The following FBXO25 variants were observed in gnomAD, a reference collection of about 807,000 sequenced individuals.
FBXO25 encodes F-box protein 25, also known as F-box only protein 25.
In FBXO25, 45 loss-of-function variants were observed where a neutral mutation model predicts 51.9. The observed-to-expected ratio is 0.87, with a 90% confidence interval of 0.68 to 1.11. The LOEUF is 1.11. Ranked by LOEUF, FBXO25 falls within the 50% of genes most tolerant of loss-of-function variation. The pLI is 0.00. For missense variants in FBXO25, 507 were observed against 428.5 expected (o/e 1.18, Z -1.62); for synonymous variants, 199 against 151.0 (o/e 1.32, Z -2.33).
intron 5 of FBXO25, among the ~76,000 whole-genome samples, chr8:439,410 A>G (rs1798292321): frequency 2.0e-5 from 3 of 152,210 alleles, no homozygotes; most frequent in Admixed American, 2.0e-4. Flanking sequence ...TAAAGTACAC[A>G]CATCTGTAGG....
intron 1 of FBXO25, among the ~76,000 whole-genome samples, chr8:411,933 A>G (rs1278545217): frequency 1.3e-5 from 2 of 152,138 alleles, no homozygotes; most frequent in Non-Finnish European, 2.9e-5. Context: ...TTCACCCCCA[A>G]ATATTCATAT....
chr8:473,625 C>G lies in FBXO25; in HGVS notation c.*4821C>G, dbSNP rs1800551112. 2.0e-5 allele frequency: 3 copies of G among 152,158 alleles called. No individual in the cohort carries two copies. The highest frequency in any genetic ancestry group is 2.0e-4 in the Admixed American group (3 of 15,268). 9.4% of individuals were successfully genotyped at this position (152,158 alleles called of 1,614,324 possible). A position where few individuals can be genotyped will look rare whatever the true frequency, so the allele number is the denominator to read the frequency against. On this transcript the variant is annotated 3_prime_UTR_variant, in exon 10 of 10. Coordinates refer to ENST00000350302, the MANE Select transcript of FBXO25 (RefSeq NM_183420.2). ...CAAAGAACAGAGATGCCCAGAGCAC[C>G]AGCTGGAGGGGCAAGCAGGAGAAGG...
In FBXO25 at chr8:459,842, C is replaced by A. The variant is rs115565568; in HGVS notation, c.843+1291C>A. ...GAGGTGCCCCAGAACCTGGGGGGAG[C>A]TGGACTCTCAAGGCCATGGACAGAG... On this transcript the variant is annotated intron_variant, in intron 8 of 9. Coordinates refer to ENST00000350302, the MANE Select transcript of FBXO25 (RefSeq NM_183420.2). 5.7e-3 allele frequency among the ~76,000 whole-genome samples: 864 copies of A among 152,254 alleles called. 8 individuals are homozygous for A. The highest frequency in any genetic ancestry group is 0.031 in the Middle Eastern group (9 of 294).
At chr8:463,911 C>G (rs917371257) in intron 9 of FBXO25, among the ~76,000 whole-genome samples, 2 of 152,114 alleles carry the variant, frequency 1.3e-5, no homozygotes, top group Non-Finnish European at 2.9e-5. Flanking sequence ...CCTCCTGCCT[C>G]TCAAGTAGCT....
At position 474,261 on chromosome 8, in the gene FBXO25, T is replaced by C. The variant is rs1476146559; in HGVS notation, c.*5457T>C. The C allele has an allele frequency of 1.1e-5, 2 of 181,066 alleles. No homozygotes were observed. The highest frequency in any genetic ancestry group is 2.2e-5 in the Non-Finnish European group (2 of 89,196). 11.2% of individuals were successfully genotyped at this position (181,066 alleles called of 1,614,324 possible). A position where few individuals can be genotyped will look rare whatever the true frequency, so the allele number is the denominator to read the frequency against. On this transcript the variant is annotated 3_prime_UTR_variant, in exon 10 of 10. Transcript: ENST00000350302. ...CTTAGCGTAATGTCCTCAAGGTTTA[T>C]TCAAGTTGTAGGATATGTCAAGATT... is the stretch of plus-strand genomic sequence containing the variant.
chr8:449,338 G>A (rs975540968), intron 5 of FBXO25, among the ~76,000 whole-genome samples: 1 of 152,250 alleles, frequency 6.6e-6, no homozygotes, highest in Non-Finnish European at 1.5e-5. Context: ...GAGCAGCGGC[G>A]AGGGCCTCGG....
rs1293456123 is a variant in FBXO25 at position 470,507 on chromosome 8, G to C, written c.*1703G>C. On this transcript the variant is annotated 3_prime_UTR_variant, in exon 10 of 10. Coordinates refer to ENST00000350302, the MANE Select transcript of FBXO25 (RefSeq NM_183420.2). ...TGATCCTCCCACCTCAGCCTCCCAAGCAGTCAGGACCACAGGCATATACCA... is the reference window on the plus strand; with the variant it reads ...TGATCCTCCCACCTCAGCCTCCCAACCAGTCAGGACCACAGGCATATACCA... 6.6e-6 allele frequency: 1 copy of C among 151,792 alleles called. No homozygotes were observed. Among genetic ancestry groups the C allele is most frequent in the Non-Finnish European group, 1.5e-5 (1 of 68,068 alleles). The allele number at this position is 151,792 out of a possible 1,614,324, so 9.4% of individuals were successfully genotyped here. A position where few individuals can be genotyped will look rare whatever the true frequency, so the allele number is the denominator to read the frequency against.
At chr8:410,289 T>C (rs1796411618) in intron 1 of FBXO25, among the ~76,000 whole-genome samples, 1 of 152,216 alleles carries the variant, frequency 6.6e-6, no homozygotes, top group South Asian at 2.1e-4. Context: ...TATTGTTCTT[T>C]TTTAGTTCCT....
chr8:407,979 C>T (rs985289474), intron 1 of FBXO25, among the ~76,000 whole-genome samples: 13 of 152,176 alleles, frequency 8.5e-5, no homozygotes, highest in African/African-American at 3.1e-4. Context: ...CTCTTGCTGC[C>T]TCCAAATCCT....
chr8:420,897 C>G (rs1361080820), intron 2 of FBXO25, among the ~76,000 whole-genome samples: 1 of 152,242 alleles, frequency 6.6e-6, no homozygotes, highest in East Asian at 1.9e-4. Flanking sequence ...CAGAATTTCA[C>G]TAAAATCAAC....
Position 430,443 on chromosome 8 carries a change from C to CT in FBXO25, c.135-887dup, listed in dbSNP as rs960106579. 3.0e-3 allele frequency among the ~76,000 whole-genome samples: 433 copies of CT among 145,054 alleles called. 1 individual carries two copies. Among genetic ancestry groups the CT allele is most frequent in the African/African-American group, 7.5e-3 (298 of 39,772 alleles). On this transcript the variant is annotated intron_variant, in intron 2 of 9. Coordinates refer to ENST00000350302, the MANE Select transcript of FBXO25 (RefSeq NM_183420.2). ...AAAGTGACTCATTTGGCAAAGTCAG[C>CT]TTTTTTTTTTTAATAAAAGTGAATA...
intron 9 of FBXO25, among the ~76,000 whole-genome samples, chr8:463,794 G>A (rs1053581826): frequency 6.6e-6 from 1 of 152,138 alleles, no homozygotes; most frequent in Non-Finnish European, 1.5e-5. Context: ...CAGTCAGAGA[G>A]GTAACTGCTT....
At chr8:421,777 C>G (rs1190698916) in intron 2 of FBXO25, among the ~76,000 whole-genome samples, 3 of 152,046 alleles carry the variant, frequency 2.0e-5, no homozygotes, top group Admixed American at 6.6e-5. Context: ...GGTTCCAGGG[C>G]TGGGATAGAG....
At chr8:458,634 G>C in intron 8 of FBXO25, 83 bp downstream of exon 8, 1 of 1,298,240 alleles carries the variant, frequency 7.7e-7, no homozygotes, top group Non-Finnish European at 1.1e-6. Flanking sequence ...CTCACCTGGA[G>C]AGAAAGAATG....
chr8:458,659 A>T, intron 8 of FBXO25, 108 bp downstream of exon 8: 1 of 1,031,106 alleles, frequency 9.7e-7, no homozygotes, highest in Non-Finnish European at 1.4e-6. Flanking sequence ...AGTATTTTCT[A>T]CTTTTAAAGA....
At chr8:468,017 G>A in intron 9 of FBXO25, 2 of 1,307,110 alleles carry the variant, frequency 1.5e-6, no homozygotes, top group South Asian at 3.6e-5. Flanking sequence ...ACAGCACCTG[G>A]TTTGGCAGCA....
chr8:444,841 T>C (rs1188729339), intron 5 of FBXO25, among the ~76,000 whole-genome samples: 1 of 152,260 alleles, frequency 6.6e-6, no homozygotes, highest in Admixed American at 6.5e-5. Context: ...TGTATAGGTC[T>C]GTAGCCTAGC....
intron 2 of FBXO25, among the ~76,000 whole-genome samples, chr8:425,272 G>A (rs1323326935): frequency 6.6e-6 from 1 of 151,936 alleles, no homozygotes; most frequent in Non-Finnish European, 1.5e-5. Flanking sequence ...ATAGTTTAGT[G>A]TTGTTTTATT....
intron 5 of FBXO25, among the ~76,000 whole-genome samples, chr8:437,317 C>G (rs767264119): frequency 2.0e-5 from 3 of 152,218 alleles, no homozygotes; most frequent in Non-Finnish European, 4.4e-5. Flanking sequence ...TTCTCCAAAG[C>G]ACCTCTCAGA....
Sources: gnomAD v4.1 joint callset for allele counts (sites outside exome capture counted in the v4.1 genomes callset) on GRCh38, gnomAD v4.1.1 for gene constraint, MANE v1.5 for transcripts, NCBI Gene and HGNC (gene_info 2026-07-23, HGNC 2026-07-21) for gene names.